HMGCLL1: variants seen among roughly 807,000 people sequenced by gnomAD.
HMGCLL1 encodes 3-hydroxy-3-methylglutaryl-CoA lyase like 1, also known as 3-hydroxymethyl-3-methylglutaryl-CoA lyase, cytoplasmic.
A neutral mutation model predicts 39.1 loss-of-function variants in HMGCLL1; 36 were observed. The observed-to-expected ratio is 0.92, with a 90% CI of 0.71 to 1.22. The LOEUF (loss-of-function observed/expected upper bound fraction) is 1.22. HMGCLL1 is among the 50% of genes most tolerant of loss of function. The pLI is 0.00. For synonymous variants in HMGCLL1, 149 were observed against 144.0 expected (o/e 1.03, Z -0.25); for missense variants, 451 against 416.5 (o/e 1.08, Z -0.72).
At chr6:55,489,186 T>C (rs553519643) in intron 7 of HMGCLL1, among the ~76,000 whole-genome samples, 1 of 152,068 alleles carries the variant, frequency 6.6e-6, no homozygotes, top group African/African-American at 2.4e-5. Flanking sequence ...AAAATAAACA[T>C]GAAAAGAAGT....
At chr6:55,584,961 G>T in the HMGCLL1 span, among the ~76,000 whole-genome samples, 1 of 151,564 alleles carries the variant, frequency 6.6e-6, no homozygotes, top group East Asian at 1.9e-4. Context: ...TACCTAAGGG[G>T]AAAAAAGCTT....
At chr6:55,563,754 C>T (rs1018613595) in intron 1 of HMGCLL1, 1 of 597,654 alleles carries the variant, frequency 1.7e-6, no homozygotes, top group Non-Finnish European at 2.6e-6. Flanking sequence ...AAATTAATGA[C>T]AAGGATCATA....
At chr6:55,670,927 A>C in the HMGCLL1 span, among the ~76,000 whole-genome samples, 1 of 151,866 alleles carries the variant, frequency 6.6e-6, no homozygotes, top group Admixed American at 6.6e-5. Context: ...ACTCACTTCA[A>C]ATATAATGAT....
the HMGCLL1 span, among the ~76,000 whole-genome samples, chr6:55,616,898 CAAA>C: frequency 6.6e-6 from 1 of 150,990 alleles, no homozygotes; most frequent in Non-Finnish European, 1.5e-5. Context: ...ACTTCAAGAA[CAAA>C]AAAAGATCTA....
intron 5 of HMGCLL1, among the ~76,000 whole-genome samples, chr6:55,501,179 G>A (rs1047103285): frequency 2.0e-5 from 3 of 151,862 alleles, no homozygotes; most frequent in Non-Finnish European, 1.5e-5. Context: ...ATCTAGTCAC[G>A]CATGCGGCTA....
intron 7 of HMGCLL1, among the ~76,000 whole-genome samples, chr6:55,478,865 A>G (rs1581834235): frequency 6.6e-6 from 1 of 150,422 alleles, no homozygotes; most frequent in African/African-American, 2.5e-5. Context: ...TTTTTTTTTC[A>G]TGGTAAATGG....
chr6:55,635,727 G>A, the HMGCLL1 span, among the ~76,000 whole-genome samples: 2 of 152,150 alleles, frequency 1.3e-5, no homozygotes, highest in Non-Finnish European at 1.5e-5. Flanking sequence ...AATGGGACAA[G>A]AAAGAAAGAG....
the HMGCLL1 span, among the ~76,000 whole-genome samples, chr6:55,672,010 G>T: frequency 6.6e-6 from 1 of 151,566 alleles, no homozygotes; most frequent in African/African-American, 2.4e-5. Context: ...AGCCCAGAAG[G>T]GTGCATAAAC....
the HMGCLL1 span, among the ~76,000 whole-genome samples, chr6:55,636,398 C>A: frequency 6.6e-6 from 1 of 152,130 alleles, no homozygotes; most frequent in African/African-American, 2.4e-5. Context: ...CTTGTTCTCA[C>A]TAAGAACAAA....
At position 55,495,538 on chromosome 6, in the gene HMGCLL1, G is replaced by C. The variant is rs531012194; in HGVS notation, c.676C>G (p.Pro226Ala). The change falls in exon 7 of 9, where the codon CCA (proline) becomes GCA (alanine). Residue 226 changes from proline (P) to alanine (A), a missense_variant. Transcript: ENST00000274901. ...TCCAACATTCTTTTCATACTTCCTG[G>C]AGTTCCCACTCCAATTGTGTCTCCT... ...SLGDTIGVGT[P>A]GSMKRMLESV... 1.6e-5 allele frequency: 26 copies of C among 1,613,720 alleles called. No homozygotes were observed. In the East Asian group the frequency reaches 5.4e-4, roughly 33 times the overall value.
intron 3 of HMGCLL1, among the ~76,000 whole-genome samples, chr6:55,529,395 T>G (rs1398962680): frequency 6.6e-6 from 1 of 152,134 alleles, no homozygotes; most frequent in Non-Finnish European, 1.5e-5. Context: ...CACTTCTTTC[T>G]GTAAGCCAAC....
intron 3 of HMGCLL1, among the ~76,000 whole-genome samples, chr6:55,528,419 TC>T (rs1472573729): frequency 3.3e-5 from 5 of 152,148 alleles, no homozygotes; most frequent in Admixed American, 2.6e-4. Context: ...CTAGAGCTCT[TC>T]CTGACAACCC....
intron 1 of HMGCLL1, chr6:55,566,506 T>C (rs750958589): frequency 4.9e-6 from 2 of 409,012 alleles, no homozygotes; most frequent in Non-Finnish European, 9.9e-6. Context: ...GCACTTACTA[T>C]TGGTGGAAAA....
the HMGCLL1 span, among the ~76,000 whole-genome samples, chr6:55,597,786 C>T: frequency 6.6e-6 from 1 of 152,064 alleles, no homozygotes; most frequent in Non-Finnish European, 1.5e-5. Flanking sequence ...ATTATTATGG[C>T]CAGCACAACT....
the HMGCLL1 span, among the ~76,000 whole-genome samples, chr6:55,648,260 T>C: frequency 9.6e-4 from 146 of 151,620 alleles, no homozygotes; most frequent in Non-Finnish European, 1.6e-3. Context: ...AGCAGCATGA[T>C]TTATACTCAT....
the HMGCLL1 span, among the ~76,000 whole-genome samples, chr6:55,587,106 T>A: frequency 6.6e-6 from 1 of 152,138 alleles, no homozygotes; most frequent in South Asian, 2.1e-4. Flanking sequence ...TGAGATGGTA[T>A]CTCAATGTGG....
chr6:55,516,898 A>C lies in HMGCLL1; in HGVS notation c.298-295T>G, dbSNP rs901079255. Among the ~76,000 whole-genome samples, 5 of 152,012 alleles carry C rather than the reference A, an allele frequency of 3.3e-5. No homozygotes were observed. The East Asian group carries it at 9.7e-4, about 29-fold the overall frequency. The stretch of plus-strand genomic sequence containing the variant: ...AACCAATCTTTATTCCCTTCCTTTC[A>C]TTTCATGGTCCAAGGCTGAAATACT... On this transcript the variant is annotated intron_variant, in intron 3 of 8. Transcript: ENST00000274901.
At chr6:55,637,686 T>C in the HMGCLL1 span, among the ~76,000 whole-genome samples, 3 of 151,016 alleles carry the variant, frequency 2.0e-5, no homozygotes, top group Non-Finnish European at 4.4e-5. Flanking sequence ...TTATATACAT[T>C]CCCCTGGTCT....
intron 6 of HMGCLL1, among the ~76,000 whole-genome samples, chr6:55,498,503 T>TA (rs1766705926): frequency 6.6e-6 from 1 of 152,134 alleles, no homozygotes; most frequent in Non-Finnish European, 1.5e-5. Context: ...TGGATTTTCT[T>TA]ATAAGGCCGT....
Sources: allele counts gnomAD v4.1 joint callset (sites outside exome capture counted in the v4.1 genomes callset), GRCh38; gene constraint gnomAD v4.1.1; transcripts MANE v1.5; gene names NCBI Gene and HGNC (gene_info 2026-07-23, HGNC 2026-07-21).